Variants in BRMS1 observed in about 807,000 individuals in gnomAD.
The protein encoded by BRMS1 is breast cancer metastasis-suppressor 1.
In BRMS1, 26 loss-of-function variants were observed where a neutral mutation model predicts 40.4. The observed-to-expected ratio is 0.64, with a 90% CI of 0.47 to 0.89. The LOEUF (loss-of-function observed/expected upper bound fraction) is 0.89, where lower values mean the gene tolerates loss of function less well. Among genes scored for constraint, BRMS1 ranks in the 40% least tolerant of loss-of-function variants. BRMS1 has a pLI of 0.00. For synonymous variants in BRMS1, 103 were observed against 116.0 expected (o/e 0.89, Z 0.72); for missense variants, 289 against 309.4 (o/e 0.93, Z 0.49).
In BRMS1 at chr11:66,340,994, C is replaced by T. The variant is rs1451082404; in HGVS notation, c.411G>A (p.Glu137=). 6.2e-7 allele frequency: 1 copy of T among 1,614,192 alleles called. No individual in the cohort carries two copies. Among genetic ancestry groups the T allele is most frequent in the Non-Finnish European group, 8.5e-7 (1 of 1,180,042 alleles). The change falls in exon 5 of 10, where the codon GAG becomes GAA. Residue 137 remains glutamate, a synonymous_variant. Coordinates refer to ENST00000359957, the MANE Select transcript of BRMS1 (RefSeq NM_015399.4). ...CCAGGTGCTGTTTGGCTCCCTGCAG[C>T]TCACATTCGTACTTATTCCTGATCA... ...LDVIRNKYEC[E]LQGAKQHLES...
chr11:66,343,706 G>A (rs1036583401), intron 1 of BRMS1, among the ~76,000 whole-genome samples: 5 of 152,220 alleles, frequency 3.3e-5, no homozygotes, highest in Admixed American at 2.0e-4. Flanking sequence ...CTGAGCTGCA[G>A]GGATTTGGTC....
At position 66,341,493 on chromosome 11, in the gene BRMS1, A is replaced by G. The variant is rs1173118409; in HGVS notation, c.230+40T>C. The G allele has an allele frequency of 6.2e-7, 1 of 1,609,450 alleles. No individual in the cohort carries two copies. ...ACCAGGCCCACCACCTCCTCATCCCAGATCCTCGCAGACCCAGCCCAAGGT... is the reference window on the plus strand; with the variant it reads ...ACCAGGCCCACCACCTCCTCATCCCGGATCCTCGCAGACCCAGCCCAAGGT... On this transcript the variant is annotated intron_variant, in intron 3 of 9. Transcript: ENST00000359957. This position sits in a 1 kb window ranked among gnomAD's most constrained non-coding sequence, Gnocchi z 4.9.
At position 66,338,306 on chromosome 11, in the gene BRMS1, C is replaced by A. The variant is rs781568118; in HGVS notation, c.694-24G>T. ...GCCTGGGTGGGTGAGAAGAAAAGCTCCCCTGAGAGCCCACCTCCAGCTTGG... is the reference window on the plus strand; with the variant it reads ...GCCTGGGTGGGTGAGAAGAAAAGCTACCCTGAGAGCCCACCTCCAGCTTGG... On this transcript the variant is annotated intron_variant, in intron 8 of 9. Transcript: ENST00000359957. 6 of 1,597,874 alleles carry A rather than the reference C, an allele frequency of 3.8e-6. No individual in the cohort carries two copies. In the African/African-American group the frequency reaches 6.7e-5, roughly 18 times the overall value.
intron 9 of BRMS1, 31 bp downstream of exon 9, chr11:66,338,212 G>C: frequency 1.2e-6 from 2 of 1,607,806 alleles, no homozygotes; most frequent in Non-Finnish European, 1.7e-6. Flanking sequence ...CAAGGGGGCA[G>C]GGAAGGCCAT....
Position 66,342,216 on chromosome 11 carries a change from T to C in BRMS1, c.19A>G (p.Ser7Gly), listed in dbSNP as rs147378296. 962 of 1,613,536 alleles carry C rather than the reference T, an allele frequency of 6.0e-4. 6 individuals are homozygous for C. In the African/African-American group the frequency reaches 0.011, roughly 19 times the overall value. Residue 7 changes from serine to glycine, a missense_variant, in exon 2 of 10, where the codon AGC (serine) becomes GGC (glycine). By Grantham distance (56) the Ser-to-Gly change is moderately conservative. Transcript: ENST00000359957. Reference sequence around the variant, plus strand: ...GCTTCCATCTCTTCTGTGTCTTTGCTTGGAGGCTGGACAGGCATCTGGACT... The same window carrying C: ...GCTTCCATCTCTTCTGTGTCTTTGCCTGGAGGCTGGACAGGCATCTGGACT... MPVQPPSKDTEEMEAEG... is the reference protein window; with the variant it reads MPVQPPGKDTEEMEAEG...
rs1450376638 is a variant in BRMS1 at position 66,339,772 on chromosome 11, A to AT, written c.628+348dup. 4.4e-5 allele frequency: 9 copies of AT among 205,276 alleles called. No individual in the cohort carries two copies. In the East Asian group the frequency reaches 1.1e-3, roughly 24 times the overall value. 12.7% of individuals were successfully genotyped at this position (205,276 alleles called of 1,614,324 possible). On this transcript the variant is annotated intron_variant, in intron 7 of 9. Transcript: ENST00000359957. ...CCACCACGCCTGGCTAATTTTTGTT[A>AT]TTTTTTCTAGAGATGGGTTTCACCA...
Position 66,341,924 on chromosome 11 carries a change from T to C in BRMS1, c.139+172A>G, listed in dbSNP as rs1855091767. ...GGGGCTGTGTGTGCGTGCTTGTGTG[T>C]AGGGGCTGTGTGTGCGTGTGTGCGC... On this transcript the variant is annotated intron_variant, in intron 2 of 9. Transcript: ENST00000359957. The surrounding 1 kb of genome is among the most constrained non-coding windows in gnomAD (Gnocchi z 4.9). 1.3e-6 allele frequency: 1 copy of C among 745,394 alleles called. No individual in the cohort carries two copies. The highest frequency in any genetic ancestry group is 2.2e-6 in the Non-Finnish European group (1 of 452,200). The allele number at this position is 745,394 out of a possible 1,614,324, so 46.2% of individuals were successfully genotyped here.
chr11:66,338,235 G>A lies in BRMS1; in HGVS notation c.733+8C>T. On this transcript the variant is annotated splice_region_variant and intron_variant, in intron 9 of 9. Coordinates refer to ENST00000359957, the MANE Select transcript of BRMS1 (RefSeq NM_015399.4). ...CAGGGAAGGCCATGCAACAGCCATG[G>A]TTCTTACCATCCGATTTTCTCTTCT... 1 of 1,611,106 alleles carries A rather than the reference G, an allele frequency of 6.2e-7. No homozygotes were observed. Among genetic ancestry groups the A allele is most frequent in the South Asian group, 1.1e-5 (1 of 90,294 alleles).
chr11:66,339,715 G>A (rs1227737608), intron 7 of BRMS1: 1 of 163,772 alleles, frequency 6.1e-6, no homozygotes, highest in Non-Finnish European at 1.3e-5. Flanking sequence ...TCTTACCTCA[G>A]CCTTCAGAGT....
At chr11:66,343,507 G>A (rs896925203) in intron 1 of BRMS1, among the ~76,000 whole-genome samples, 1 of 152,164 alleles carries the variant, frequency 6.6e-6, no homozygotes, top group African/African-American at 2.4e-5. Context: ...TAAGACCAGG[G>A]GCATAAGGGA....
chr11:66,337,509 C>G lies in BRMS1; in HGVS notation c.*373G>C, dbSNP rs1328380271. 1.6e-6 allele frequency: 1 copy of G among 644,662 alleles called. No homozygotes were observed. The highest frequency in any genetic ancestry group is 2.9e-5 in the Admixed American group (1 of 34,052). 39.9% of individuals were successfully genotyped at this position (644,662 alleles called of 1,614,324 possible). A position where few individuals can be genotyped will look rare whatever the true frequency, so the allele number is the denominator to read the frequency against. On this transcript the variant is annotated 3_prime_UTR_variant, in exon 10 of 10. Transcript: ENST00000359957. ...TTCCCGCACAGTGGAAACTGGCTCC[C>G]TGGCCCTGAGGCCGGACAGCCTGCA...
rs1854949267 is a variant in BRMS1 at position 66,337,638 on chromosome 11, G to A, written c.*244C>T. On this transcript the variant is annotated 3_prime_UTR_variant, in exon 10 of 10. Coordinates refer to ENST00000359957, the MANE Select transcript of BRMS1 (RefSeq NM_015399.4). The stretch of plus-strand genomic sequence containing the variant: ...GAGTGGGAGGTGGCAGGCGGCTCAG[G>A]GATGGAGACAGCAGCCTTGCCTGGT... The A allele has an allele frequency of 4.0e-6, 6 of 1,502,204 alleles. No individual in the cohort carries two copies. The highest frequency in any genetic ancestry group is 5.4e-6 in the Non-Finnish European group (6 of 1,115,002). 93.1% of individuals were successfully genotyped at this position (1,502,204 alleles called of 1,614,324 possible).
At chr11:66,339,631 AC>A (rs1436479891) in intron 7 of BRMS1, among the ~76,000 whole-genome samples, 1 of 152,174 alleles carries the variant, frequency 6.6e-6, no homozygotes, top group Non-Finnish European at 1.5e-5. Flanking sequence ...CAAAGGCCAA[AC>A]CTCACTCAGG....
chr11:66,339,976 T>C, intron 7 of BRMS1, 145 bp downstream of exon 7: 1 of 631,806 alleles, frequency 1.6e-6, no homozygotes, highest in South Asian at 1.9e-5. Context: ...CAGCTGGATT[T>C]GCCTGGACAT....
intron 1 of BRMS1, among the ~76,000 whole-genome samples, chr11:66,344,072 G>A (rs1164715233): frequency 1.3e-5 from 2 of 152,298 alleles, no homozygotes; most frequent in African/African-American, 4.8e-5. Flanking sequence ...ACTCCCTCCA[G>A]GAAGCTTTGT....
At position 66,341,571 on chromosome 11, in the gene BRMS1, C is replaced by T. The variant is rs1005335041; in HGVS notation, c.192G>A (p.Met64Ile). 4.3e-6 allele frequency: 7 copies of T among 1,614,072 alleles called. No homozygotes were observed. The highest frequency in any genetic ancestry group is 5.9e-6 in the Non-Finnish European group (7 of 1,180,042). ...CCGAGAACTGCTTCTCTAGGTCCAG[C>T]ATCTCACTGACACACTCGCTGCGGC... ...ERRRSECVSEMLDLEKQFSEL... is the reference protein window; with the variant it reads ...ERRRSECVSEILDLEKQFSEL... The change falls in exon 3 of 10, where the codon ATG becomes ATA. Residue 64 changes from methionine (M) to isoleucine (I), a missense_variant. Physicochemically the swap from Met to Ile is conservative, Grantham distance 10. Coordinates refer to ENST00000359957, the MANE Select transcript of BRMS1 (RefSeq NM_015399.4). The surrounding 1 kb of genome is among the most constrained non-coding windows in gnomAD (Gnocchi z 4.9).
rs1052047718 is a variant in BRMS1 at position 66,338,411 on chromosome 11, C to T, written c.694-129G>A. ...GTGCCCCCAGGACCGGGAGCATAGG[C>T]CCCACCCAGGCAGAGCTCCCATGCT... On this transcript the variant is annotated intron_variant, in intron 8 of 9. Transcript: ENST00000359957. 4.6e-6 allele frequency: 7 copies of T among 1,520,832 alleles called. No homozygotes were observed. In the Admixed American group the frequency reaches 6.0e-5, roughly 13 times the overall value. 94.2% of individuals were successfully genotyped at this position (1,520,832 alleles called of 1,614,324 possible). A position where few individuals can be genotyped will look rare whatever the true frequency, so the allele number is the denominator to read the frequency against.
chr11:66,342,970 C>T (rs1301672536), intron 1 of BRMS1, among the ~76,000 whole-genome samples: 1 of 152,188 alleles, frequency 6.6e-6, no homozygotes, highest in Non-Finnish European at 1.5e-5. Context: ...CCTCTTGGAC[C>T]GCAGGTCATC....
Position 66,341,995 on chromosome 11 carries a change from T to C in BRMS1, c.139+101A>G. Reference sequence around the variant, plus strand: ...TGTGCTTGTGTGTAGGCGCTGTATGTGCATGTGCGTGCATGCTTGTGTGTA... The same window carrying C: ...TGTGCTTGTGTGTAGGCGCTGTATGCGCATGTGCGTGCATGCTTGTGTGTA... On this transcript the variant is annotated intron_variant, in intron 2 of 9. Coordinates refer to ENST00000359957, the MANE Select transcript of BRMS1 (RefSeq NM_015399.4). This position sits in a 1 kb window ranked among gnomAD's most constrained non-coding sequence, Gnocchi z 4.9. 1 of 1,314,822 alleles carries C rather than the reference T, an allele frequency of 7.6e-7. No individual in the cohort carries two copies. Among genetic ancestry groups the C allele is most frequent in the Non-Finnish European group, 1.0e-6 (1 of 955,082 alleles). The allele number at this position is 1,314,822 out of a possible 1,614,324, so 81.4% of individuals were successfully genotyped here.
Sources: gnomAD v4.1 joint callset for allele counts (sites outside exome capture counted in the v4.1 genomes callset) on GRCh38, gnomAD v4.1.1 for gene constraint, Gnocchi (gnomAD v3.1) non-coding constraint, MANE v1.5 for transcripts, NCBI Gene and HGNC (gene_info 2026-07-23, HGNC 2026-07-21) for gene names.